Variants in COL22A1 observed in about 807,000 individuals in gnomAD.
The protein encoded by COL22A1 is collagen alpha-1(XXII) chain.
Under a neutral mutation model 248.9 loss-of-function variants are expected in COL22A1, and 221 were observed. That is an observed-to-expected ratio of 0.89 (90% CI 0.80 to 0.99). The LOEUF (loss-of-function observed/expected upper bound fraction) is 0.99. Ranked by LOEUF, COL22A1 falls within the 50% of genes least tolerant of loss-of-function variation. The pLI, the probability that COL22A1 is intolerant of heterozygous loss-of-function variation, is 0.00. For missense variants in COL22A1, 2,240 were observed against 2,179.0 expected (o/e 1.03, Z -0.56); for synonymous variants, 891 against 793.4 (o/e 1.12, Z -2.07).
At chr8:138,862,439 G>C (rs1233034026) in intron 3 of COL22A1, among the ~76,000 whole-genome samples, 1 of 152,092 alleles carries the variant, frequency 6.6e-6, no homozygotes, top group African/African-American at 2.4e-5. Flanking sequence ...GGCCACTGCT[G>C]TCCCTTTATA....
chr8:138,677,733 CT>C (rs1333072287), intron 40 of COL22A1, among the ~76,000 whole-genome samples: 1 of 152,316 alleles, frequency 6.6e-6, no homozygotes, highest in African/African-American at 2.4e-5. Context: ...TGCATATTAC[CT>C]TTCCAAAATC....
intron 1 of COL22A1, among the ~76,000 whole-genome samples, chr8:138,902,784 A>ACACT (rs1563907561): frequency 6.7e-6 from 1 of 149,408 alleles, no homozygotes; most frequent in Non-Finnish European, 1.5e-5. Flanking sequence ...ACACACACAC[A>ACACT]CTAGAACTGA....
intron 14 of COL22A1, among the ~76,000 whole-genome samples, chr8:138,779,256 G>A (rs1814743211): frequency 6.6e-6 from 1 of 152,008 alleles, no homozygotes; most frequent in Admixed American, 6.6e-5. Context: ...GAATGTGTGG[G>A]GCCCATCTGT....
chr8:138,743,809 G>A lies in COL22A1; in HGVS notation c.2086-6232C>T, dbSNP rs527387097. On this transcript the variant is annotated intron_variant, in intron 22 of 64. Transcript: ENST00000303045. ...CATTCTGAATGCCAAGATGCTGAGCGGAACTGGTATTTCCAAGGTTGCCTG... is the reference window on the plus strand; with the variant it reads ...CATTCTGAATGCCAAGATGCTGAGCAGAACTGGTATTTCCAAGGTTGCCTG... 2.3e-4 allele frequency among the ~76,000 whole-genome samples: 35 copies of A among 152,236 alleles called. No homozygotes were observed. The East Asian group carries it at 3.1e-3, about 13-fold the overall frequency.
chr8:138,661,925 C>CA, intron 43 of COL22A1, 105 bp downstream of exon 43: 1 of 746,512 alleles, frequency 1.3e-6, no homozygotes, highest in East Asian at 2.8e-5. Flanking sequence ...AACCGGGCTA[C>CA]AAAGTTGGCC....
rs71518485 is a variant in COL22A1 at position 138,809,528 on chromosome 8, C to CTTTTTTTT, written c.1450-1724_1450-1717dup. On this transcript the variant is annotated intron_variant, in intron 9 of 64. Transcript: ENST00000303045. ...TTTCTTCTTCTCTTTTTTTCTTTTT[C>CTTTTTTTT]TTTTTTTTTTGAGACAGAGTCTCAC... Among the ~76,000 whole-genome samples the CTTTTTTTT allele has an allele frequency of 3.7e-4, 43 of 117,604 alleles. 2 individuals carry two copies. The highest frequency in any genetic ancestry group is 7.0e-4 in the African/African-American group (21 of 30,146). 77.2% of individuals were successfully genotyped at this position (117,604 alleles called of 152,430 possible).
chr8:138,617,844 G>A (rs1819461543), intron 53 of COL22A1, among the ~76,000 whole-genome samples: 1 of 152,194 alleles, frequency 6.6e-6, no homozygotes, highest in African/African-American at 2.4e-5. Flanking sequence ...AATTAGGCTA[G>A]AACCTACTTC....
intron 46 of COL22A1, among the ~76,000 whole-genome samples, chr8:138,649,088 A>G (rs1822460876): frequency 6.6e-6 from 1 of 152,094 alleles, no homozygotes; most frequent in South Asian, 2.1e-4. Context: ...TTTCAATTCT[A>G]TTTCCCCAGC....
chr8:138,692,463 ATGTG>A (rs145298366), intron 35 of COL22A1, among the ~76,000 whole-genome samples: 40,125 of 133,064 alleles, frequency 0.3, 6,529 homozygotes, highest in East Asian at 0.49. Flanking sequence ...GTGTGAGTGC[ATGTG>A]TGTGTGTGTG....
intron 2 of COL22A1, among the ~76,000 whole-genome samples, chr8:138,881,504 T>C (rs1018664213): frequency 6.6e-6 from 1 of 151,954 alleles, no homozygotes; most frequent in Non-Finnish European, 1.5e-5. Context: ...GCTAACACGG[T>C]GAAACCCCGT....
intron 1 of COL22A1, among the ~76,000 whole-genome samples, chr8:138,909,583 TAA>T (rs67017276): frequency 6.6e-6 from 1 of 151,094 alleles, no homozygotes. Context: ...AAGCCAAACT[TAA>T]AAAAAAAATT....
chr8:138,734,442 A>G (rs1382654999), intron 23 of COL22A1, among the ~76,000 whole-genome samples: 2 of 152,230 alleles, frequency 1.3e-5, no homozygotes, highest in Non-Finnish European at 2.9e-5. Context: ...AGTAAGCAGG[A>G]GAAAACAGAG....
intron 12 of COL22A1, among the ~76,000 whole-genome samples, chr8:138,788,435 G>A (rs1481814299): frequency 1.3e-5 from 2 of 152,210 alleles, no homozygotes; most frequent in Non-Finnish European, 2.9e-5. Context: ...TATTTACCAT[G>A]AAAGTTAAAC....
chr8:138,710,993 G>T (rs776316899), intron 30 of COL22A1, among the ~76,000 whole-genome samples: 16 of 152,166 alleles, frequency 1.1e-4, no homozygotes, highest in Non-Finnish European at 2.1e-4. Flanking sequence ...CTCTCACCCT[G>T]AGGGCATGAA....
chr8:138,776,087 G>A, intron 15 of COL22A1, 77 bp from the exon 16 acceptor site: 1 of 1,449,650 alleles, frequency 6.9e-7, no homozygotes, highest in African/African-American at 1.4e-5. Context: ...TGTCCATGGA[G>A]AAACTGCCTG....
chr8:138,606,079 A>T (rs1188046048), intron 58 of COL22A1, among the ~76,000 whole-genome samples: 1 of 152,216 alleles, frequency 6.6e-6, no homozygotes, highest in Admixed American at 6.5e-5. Context: ...ATTTCATTTA[A>T]TCCTCAGAAG....
chr8:138,711,338 T>C (rs117052459), intron 30 of COL22A1, among the ~76,000 whole-genome samples: 3 of 152,202 alleles, frequency 2.0e-5, no homozygotes, highest in Admixed American at 2.0e-4. Flanking sequence ...AAGAGGGCAA[T>C]GTTGCCTTAA....
At chr8:138,913,432 T>C (rs1211311371) in intron 1 of COL22A1, among the ~76,000 whole-genome samples, 187 bp downstream of exon 1, 1 of 152,150 alleles carries the variant, frequency 6.6e-6, no homozygotes, top group African/African-American at 2.4e-5. Flanking sequence ...CTTCCAACTA[T>C]AGTCACTCCC....
At chr8:138,638,086 GTCA>G (rs1821351380) in intron 47 of COL22A1, among the ~76,000 whole-genome samples, 1 of 150,870 alleles carries the variant, frequency 6.6e-6, no homozygotes, top group Non-Finnish European at 1.5e-5. Flanking sequence ...CATCATCATG[GTCA>G]TCAAGATGCT....
Sources: gnomAD v4.1 joint callset for allele counts (sites outside exome capture counted in the v4.1 genomes callset) on GRCh38, gnomAD v4.1.1 for gene constraint, MANE v1.5 for transcripts, NCBI Gene and HGNC (gene_info 2026-07-23, HGNC 2026-07-21) for gene names.